UBFD1: variants seen among roughly 807,000 people sequenced by gnomAD.
UBFD1 encodes the protein ubiquitin domain-containing protein UBFD1.
In UBFD1, 12 loss-of-function variants were observed where a neutral mutation model predicts 35.1. The ratio of observed to expected loss-of-function variants is 0.34; its 90% CI spans 0.22 to 0.55. The LOEUF is 0.55. Ranked by LOEUF, UBFD1 falls within the 20% of genes least tolerant of loss-of-function variation. UBFD1 has a pLI of 0.89. For synonymous variants in UBFD1, 178 were observed against 167.6 expected, an observed-to-expected ratio of 1.06 and a Z score of -0.48; for missense variants, 337 against 410.8, an observed-to-expected ratio of 0.82 and a Z score of 1.55.
intron 5 of UBFD1, chr16:23,564,875 T>A (rs556976708): frequency 6.6e-6 from 1 of 152,358 alleles, no homozygotes; most frequent in South Asian, 2.1e-4. Context: ...AGCAGCCGCC[T>A]TCCTGCTTTG....
intron 5 of UBFD1, 52 bp downstream of exon 5, chr16:23,562,782 G>C: frequency 6.7e-7 from 1 of 1,489,582 alleles, no homozygotes; most frequent in Middle Eastern, 1.9e-4. Flanking sequence ...CTGGCACCCA[G>C]CAGCACTCAC....
At chr16:23,558,453 A>G (rs2097661) in intron 2 of UBFD1, among the ~76,000 whole-genome samples, 174 bp downstream of exon 2, 7,051 of 152,294 alleles carry the variant, frequency 0.046, 589 homozygotes, top group African/African-American at 0.16. Context: ...TCAAGTTTAT[A>G]GAGCTAGTAA....
Position 23,559,493 on chromosome 16 carries a change from C to A in UBFD1, c.381C>A (p.Val127=). Residue 127 remains valine (V), a synonymous_variant, in exon 3 of 7, where the codon GTC becomes GTA. Coordinates refer to ENST00000395878, the MANE Select transcript of UBFD1 (RefSeq NM_019116.3). ...ITGLPPAMQK[V]MYKGLVPEDK... is the part of the protein sequence containing the mutation. ...GTCTCCCGCCTGCCATGCAGAAAGT[C>A]ATGTATAAGGGACTCGTCCCCGAGG... is the stretch of plus-strand genomic sequence containing the variant. 2 of 1,613,852 alleles carry A rather than the reference C, an allele frequency of 1.2e-6. No homozygotes were observed. Among genetic ancestry groups the A allele is most frequent in the South Asian group, 2.2e-5 (2 of 90,864 alleles).
Position 23,557,930 on chromosome 16 carries a change from A to AC in UBFD1, c.26-15dup, listed in dbSNP as rs1472495203. 129 of 1,307,888 alleles carry AC rather than the reference A, an allele frequency of 9.9e-5. No homozygotes were observed. Among genetic ancestry groups the AC allele is most frequent in the Non-Finnish European group, 1.2e-4 (127 of 1,026,840 alleles). 81.0% of individuals were successfully genotyped at this position (1,307,888 alleles called of 1,614,324 possible). On this transcript the variant is annotated intron_variant, in intron 1 of 6. Transcript: ENST00000395878. Reference sequence around the variant, plus strand: ...CAAGCCCAGCCCGCGGCGAGCGCCCACCCCCTAACCCCCTTGCAGGCATGG... The same window carrying AC: ...CAAGCCCAGCCCGCGGCGAGCGCCCACCCCCCTAACCCCCTTGCAGGCATGG...
intron 6 of UBFD1, among the ~76,000 whole-genome samples, 196 bp downstream of exon 6, chr16:23,567,265 C>T (rs767393078): frequency 4.0e-5 from 6 of 151,874 alleles, no homozygotes; most frequent in African/African-American, 1.5e-4. Context: ...TATTTTACAC[C>T]CCCCCACACA....
intron 5 of UBFD1, chr16:23,564,648 T>C (rs1259879119): frequency 6.6e-6 from 1 of 152,208 alleles, no homozygotes; most frequent in African/African-American, 2.4e-5. Flanking sequence ...GGCAGCCTCA[T>C]TGAAGGCAGT....
Position 23,574,171 on chromosome 16 carries a change from G to A in UBFD1, c.*3581G>A, listed in dbSNP as rs982033259. 1.3e-5 allele frequency: 2 copies of A among 152,378 alleles called. No individual in the cohort carries two copies. The highest frequency in any genetic ancestry group is 4.8e-5 in the African/African-American group (2 of 41,362). 9.4% of individuals were successfully genotyped at this position (152,378 alleles called of 1,614,324 possible). ...CCTTTTTTTTTTCTTAAAGAGTTCT[G>A]CTGAATTATTTGACAATATTTGTAA... On this transcript the variant is annotated 3_prime_UTR_variant, in exon 7 of 7. Transcript: ENST00000395878.
chr16:23,570,256 T>G (rs1347384590), intron 6 of UBFD1, among the ~76,000 whole-genome samples: 3 of 152,192 alleles, frequency 2.0e-5, no homozygotes, highest in Admixed American at 6.5e-5. Context: ...ATGGCTCTGA[T>G]GACCACTCAG....
intron 6 of UBFD1, among the ~76,000 whole-genome samples, chr16:23,567,312 T>C (rs916513504): frequency 2.0e-5 from 3 of 152,244 alleles, no homozygotes; most frequent in African/African-American, 7.2e-5. Context: ...TGTTTTCTCT[T>C]ACCTCTTTTA....
rs1476520204 is a variant in UBFD1 at position 23,572,837 on chromosome 16, A to G, written c.*2247A>G. 2 of 152,312 alleles carry G rather than the reference A, an allele frequency of 1.3e-5. No individual in the cohort carries two copies. Among genetic ancestry groups the G allele is most frequent in the Middle Eastern group, 3.2e-3 (1 of 316 alleles). 9.4% of individuals were successfully genotyped at this position (152,312 alleles called of 1,614,324 possible). A position where few individuals can be genotyped will look rare whatever the true frequency, so the allele number is the denominator to read the frequency against. ...CCTTTTCGTACGGAGCTGTTTGAGT[A>G]TTGCTTTACAGAGCTCACTAAATCA... is the stretch of plus-strand genomic sequence containing the variant. On this transcript the variant is annotated 3_prime_UTR_variant, in exon 7 of 7. Transcript: ENST00000395878.
At chr16:23,563,776 C>G (rs771802397) in intron 5 of UBFD1, among the ~76,000 whole-genome samples, 14 of 152,280 alleles carry the variant, frequency 9.2e-5, no homozygotes, top group Admixed American at 3.9e-4. Flanking sequence ...GTATTTTAGC[C>G]GCATCTCTCT....
chr16:23,558,345 T>G, intron 2 of UBFD1, 66 bp downstream of exon 2: 3 of 1,557,212 alleles, frequency 1.9e-6, no homozygotes, highest in East Asian at 2.5e-5. Flanking sequence ...TGCACCCTAC[T>G]AGGCACCTGG....
rs1211604885 is a variant in UBFD1 at position 23,559,628 on chromosome 16, G to A, written c.516G>A (p.Gln172=). The A allele has an allele frequency of 5.6e-6, 9 of 1,614,136 alleles. No homozygotes were observed. The highest frequency in any genetic ancestry group is 2.7e-5 in the African/African-American group (2 of 74,958). ...AVNTPKDAAQ[Q]DAKAEENKKE... ...ACACACCCAAAGATGCTGCGCAGCA[G>A]GATGCAAAGGCCGAAGAGAACAAGA... The change falls in exon 3 of 7, where the codon CAG becomes CAA. Residue 172 remains glutamine (Q), a synonymous_variant. Transcript: ENST00000395878.
At chr16:23,559,218 C>T (rs1057215459) in intron 2 of UBFD1, 1 of 369,434 alleles carries the variant, frequency 2.7e-6, no homozygotes, top group South Asian at 3.1e-5. Flanking sequence ...TCAATGCTAG[C>T]CACCGTACTA....
At position 23,558,044 on chromosome 16, in the gene UBFD1, G is replaced by A; in HGVS notation, c.120G>A (p.Ala40=). The A allele has an allele frequency of 2.2e-6, 3 of 1,338,882 alleles. No individual in the cohort carries two copies. Among genetic ancestry groups the A allele is most frequent in the Non-Finnish European group, 2.9e-6 (3 of 1,048,486 alleles). The allele number at this position is 1,338,882 out of a possible 1,614,324, so 82.9% of individuals were successfully genotyped here. A position where few individuals can be genotyped will look rare whatever the true frequency, so the allele number is the denominator to read the frequency against. The change falls in exon 2 of 7, where the codon GCG becomes GCA. Residue 40 remains alanine (A), a synonymous_variant. Coordinates refer to ENST00000395878, the MANE Select transcript of UBFD1 (RefSeq NM_019116.3). ...PVNCLEAEAA[A]GAAAEDSGAA... is the part of the protein sequence containing the mutation. ...ACTGCCTGGAGGCTGAAGCCGCGGC[G>A]GGGGCGGCGGCCGAGGACTCCGGCG...
intron 5 of UBFD1, 125 bp from the exon 6 acceptor site, chr16:23,566,862 A>G (rs1966018488): frequency 2.5e-6 from 2 of 799,724 alleles, no homozygotes; most frequent in Non-Finnish European, 4.1e-6. Context: ...CCCAGAGGGC[A>G]TGGCGCCAGT....
At chr16:23,561,655 C>G (rs1965935594) in intron 3 of UBFD1, 1 of 152,128 alleles carries the variant, frequency 6.6e-6, no homozygotes, top group Non-Finnish European at 1.5e-5. Context: ...GGCTGGGTCT[C>G]CATTTGTTGA....
rs1485911928 is a variant in UBFD1 at position 23,573,519 on chromosome 16, T to TC, written c.*2929_*2930insC. ...CGCGAGTTGCTGGACCTCTTTGGTA[T>TC]TAAGTGTTTGAATCCATGGTGGGCC... is the stretch of plus-strand genomic sequence containing the variant. On this transcript the variant is annotated 3_prime_UTR_variant, in exon 7 of 7. Coordinates refer to ENST00000395878, the MANE Select transcript of UBFD1 (RefSeq NM_019116.3). 6.6e-6 allele frequency: 1 copy of TC among 152,574 alleles called. No homozygotes were observed. 9.5% of individuals were successfully genotyped at this position (152,574 alleles called of 1,614,324 possible). A position where few individuals can be genotyped will look rare whatever the true frequency, so the allele number is the denominator to read the frequency against.
At position 23,570,668 on chromosome 16, in the gene UBFD1, T is replaced by G; in HGVS notation, c.*78T>G. 1.7e-6 allele frequency: 2 copies of G among 1,205,846 alleles called. No individual in the cohort carries two copies. The highest frequency in any genetic ancestry group is 1.3e-5 in the South Asian group (1 of 77,264). 74.7% of individuals were successfully genotyped at this position (1,205,846 alleles called of 1,614,324 possible). A position where few individuals can be genotyped will look rare whatever the true frequency, so the allele number is the denominator to read the frequency against. Reference sequence around the variant, plus strand: ...GGGAGAGGCCTGCAGCATCCCTGGATTTCAGAGTTCTGGAACTTTGTTCAT... The same window carrying G: ...GGGAGAGGCCTGCAGCATCCCTGGAGTTCAGAGTTCTGGAACTTTGTTCAT... On this transcript the variant is annotated 3_prime_UTR_variant, in exon 7 of 7. Coordinates refer to ENST00000395878, the MANE Select transcript of UBFD1 (RefSeq NM_019116.3).
Sources: gnomAD v4.1 joint callset for allele counts (sites outside exome capture counted in the v4.1 genomes callset) on GRCh38, gnomAD v4.1.1 for gene constraint, MANE v1.5 for transcripts, NCBI Gene and HGNC (gene_info 2026-07-23, HGNC 2026-07-21) for gene names.